Variants in LPAR1 observed in about 807,000 individuals in gnomAD.
The protein encoded by LPAR1 is LPA receptor 1.
Under a neutral mutation model 23.8 loss-of-function variants are expected in LPAR1, and 5 were observed. That is an observed-to-expected ratio of 0.21 (90% CI 0.11 to 0.44). LPAR1 has a LOEUF of 0.44. Among genes scored for constraint, LPAR1 ranks in the 20% least tolerant of loss-of-function variants. LPAR1 has a pLI of 0.99. For synonymous variants in LPAR1, 160 were observed against 164.7 expected, an observed-to-expected ratio of 0.97 and a Z score of 0.22; for missense variants, 311 against 482.8, an observed-to-expected ratio of 0.64 and a Z score of 3.33.
At chr9:110,952,151 G>T (rs1380772426) in intron 4 of LPAR1, among the ~76,000 whole-genome samples, 1 of 152,154 alleles carries the variant, frequency 6.6e-6, no homozygotes, top group Admixed American at 6.5e-5. Context: ...AACACCTAAG[G>T]CAAGGAAGAA....
chr9:110,984,896 C>G (rs567657396), intron 2 of LPAR1, among the ~76,000 whole-genome samples: 2 of 151,744 alleles, frequency 1.3e-5, no homozygotes, highest in East Asian at 3.9e-4. Context: ...ACATTCTTCA[C>G]CTTTTGAGAA....
Position 110,875,236 on chromosome 9 carries a change from A to C in LPAR1, c.*185T>G, listed in dbSNP as rs1215100783. ...GGGATCAAGATGAGGGTTGTCACATAAGCTAATTTTCAATATATATCAAGT... is the reference window on the plus strand; with the variant it reads ...GGGATCAAGATGAGGGTTGTCACATCAGCTAATTTTCAATATATATCAAGT... On this transcript the variant is annotated 3_prime_UTR_variant, in exon 6 of 6. Coordinates refer to ENST00000683809, the MANE Select transcript of LPAR1 (RefSeq NM_001351411.2). 7.7e-6 allele frequency: 4 copies of C among 522,540 alleles called. No individual in the cohort carries two copies. The highest frequency in any genetic ancestry group is 1.3e-5 in the Non-Finnish European group (4 of 298,538). The allele number at this position is 522,540 out of a possible 1,614,324, so 32.4% of individuals were successfully genotyped here. A position where few individuals can be genotyped will look rare whatever the true frequency, so the allele number is the denominator to read the frequency against.
At chr9:110,908,931 T>C (rs530725156) in intron 5 of LPAR1, among the ~76,000 whole-genome samples, 1 of 152,314 alleles carries the variant, frequency 6.6e-6, no homozygotes, top group South Asian at 2.1e-4. Flanking sequence ...AATTGACCTT[T>C]TTTGTCTTAA....
chr9:110,890,339 T>C (rs1419217523), intron 5 of LPAR1, among the ~76,000 whole-genome samples: 1 of 152,238 alleles, frequency 6.6e-6, no homozygotes, highest in East Asian at 1.9e-4. Context: ...TCAGATGGAT[T>C]TGTGGATGAA....
At chr9:110,984,413 C>T (rs2096737007) in intron 2 of LPAR1, among the ~76,000 whole-genome samples, 1 of 151,986 alleles carries the variant, frequency 6.6e-6, no homozygotes, top group South Asian at 2.1e-4. Context: ...AGATCTTATT[C>T]CTTTTCTGGC....
At chr9:110,990,636 T>A (rs2096875660) in intron 2 of LPAR1, among the ~76,000 whole-genome samples, 1 of 152,008 alleles carries the variant, frequency 6.6e-6, no homozygotes, top group Non-Finnish European at 1.5e-5. Context: ...TAAACACCTA[T>A]AATAGAAAAG....
intron 2 of LPAR1, among the ~76,000 whole-genome samples, chr9:111,023,283 C>T (rs562172602): frequency 3.3e-5 from 5 of 152,168 alleles, no homozygotes; most frequent in Middle Eastern, 3.4e-3. Context: ...CTTTCCCTTC[C>T]GGTTTTCTAT....
intron 2 of LPAR1, among the ~76,000 whole-genome samples, chr9:111,014,444 C>T (rs565913263): frequency 6.6e-6 from 1 of 152,168 alleles, no homozygotes; most frequent in Admixed American, 6.5e-5. Context: ...AAACTCCCAT[C>T]CTTCCCATCC....
At chr9:110,965,590 T>A (rs1340866241) in intron 4 of LPAR1, among the ~76,000 whole-genome samples, 2 of 152,186 alleles carry the variant, frequency 1.3e-5, no homozygotes, top group African/African-American at 4.8e-5. Context: ...TCACACCAGT[T>A]AGAATGATGA....
At chr9:110,889,914 C>T (rs1343445577) in intron 5 of LPAR1, among the ~76,000 whole-genome samples, 2 of 152,032 alleles carry the variant, frequency 1.3e-5, no homozygotes, top group Non-Finnish European at 2.9e-5. Context: ...AGAAATGAAC[C>T]ATGCATTTAA....
intron 5 of LPAR1, among the ~76,000 whole-genome samples, chr9:110,876,701 T>G (rs1000551019): frequency 6.6e-6 from 1 of 152,258 alleles, no homozygotes; most frequent in Non-Finnish European, 1.5e-5. Flanking sequence ...CTATTTCAGA[T>G]GTTCTACTAA....
At chr9:110,959,055 C>CA (rs61391639) in intron 4 of LPAR1, among the ~76,000 whole-genome samples, 3,538 of 99,556 alleles carry the variant, frequency 0.036, 112 homozygotes, top group African/African-American at 0.1. Flanking sequence ...ATTAAAAAGA[C>CA]AAAAAAAAAA....
chr9:110,906,911 A>G (rs79512454), intron 5 of LPAR1, among the ~76,000 whole-genome samples: 1 of 141,236 alleles, frequency 7.1e-6, no homozygotes, highest in Non-Finnish European at 1.6e-5. Flanking sequence ...TCTAAAAATT[A>G]TGATATAAAA....
At chr9:110,933,219 T>C (rs1039891820) in intron 5 of LPAR1, among the ~76,000 whole-genome samples, 1 of 152,164 alleles carries the variant, frequency 6.6e-6, no homozygotes, top group Non-Finnish European at 1.5e-5. Flanking sequence ...TGGAACACAA[T>C]AGTAATTTCA....
At chr9:110,893,218 C>T (rs985753226) in intron 5 of LPAR1, among the ~76,000 whole-genome samples, 1 of 152,136 alleles carries the variant, frequency 6.6e-6, no homozygotes, top group African/African-American at 2.4e-5. Context: ...TGTACAATGT[C>T]CTCTTTTACC....
At chr9:111,005,179 C>A (rs902728830) in intron 2 of LPAR1, among the ~76,000 whole-genome samples, 11 of 143,170 alleles carry the variant, frequency 7.7e-5, no homozygotes, top group Admixed American at 2.8e-4. Flanking sequence ...AAAAAAAGTT[C>A]TCTAGCTCTA....
At chr9:110,895,949 C>A (rs1488839646) in intron 5 of LPAR1, among the ~76,000 whole-genome samples, 1 of 152,150 alleles carries the variant, frequency 6.6e-6, no homozygotes, top group Non-Finnish European at 1.5e-5. Flanking sequence ...ATGCCATTTA[C>A]CCATCCATTT....
At chr9:110,912,683 A>G (rs549267431) in intron 5 of LPAR1, among the ~76,000 whole-genome samples, 5 of 152,284 alleles carry the variant, frequency 3.3e-5, no homozygotes, top group Admixed American at 3.3e-4. Context: ...AAATATAGCC[A>G]TAAATTTCTT....
chr9:110,950,060 T>C (rs2095520391), intron 4 of LPAR1, among the ~76,000 whole-genome samples: 1 of 152,198 alleles, frequency 6.6e-6, no homozygotes, highest in Non-Finnish European at 1.5e-5. Flanking sequence ...TATTGAAAAG[T>C]AGCTATCAAA....
Sources: gnomAD v4.1 joint callset for allele counts (sites outside exome capture counted in the v4.1 genomes callset) on GRCh38, gnomAD v4.1.1 for gene constraint, MANE v1.5 for transcripts, NCBI Gene and HGNC (gene_info 2026-07-23, HGNC 2026-07-21) for gene names.